Variants in TM9SF2 observed in about 807,000 individuals in gnomAD.
The protein encoded by TM9SF2 is 76 kDa membrane protein.
TM9SF2 carries 13 observed loss-of-function variants against 84.9 expected under a neutral mutation model. The observed-to-expected ratio is 0.15, with a 90% CI of 0.10 to 0.24. The LOEUF (loss-of-function observed/expected upper bound fraction) is 0.24, where lower values mean the gene tolerates loss of function less well. Among genes scored for constraint, TM9SF2 ranks in the 10% least tolerant of loss-of-function variants. TM9SF2 has a pLI of 1.00. For synonymous variants in TM9SF2, 273 were observed against 285.8 expected (o/e 0.96, Z 0.45); for missense variants, 562 against 818.5 (o/e 0.69, Z 3.82).
chr13:99,503,568 G>A lies in TM9SF2; in HGVS notation c.171+1791G>A, dbSNP rs533043856. 7.2e-5 allele frequency among the ~76,000 whole-genome samples: 11 copies of A among 152,190 alleles called. No homozygotes were observed. The East Asian group carries it at 2.1e-3, about 29-fold the overall frequency. On this transcript the variant is annotated intron_variant, in intron 1 of 16. Coordinates refer to ENST00000376387, the MANE Select transcript of TM9SF2 (RefSeq NM_004800.3). ...TACTAAAAATACAAAAATTAGCTGG[G>A]CGTGGTGGCGGGCATCTGTAATCCC... is the stretch of plus-strand genomic sequence containing the variant.
At chr13:99,529,423 T>C in intron 3 of TM9SF2, 44 bp from the exon 4 acceptor site, 6 of 1,463,760 alleles carry the variant, frequency 4.1e-6, no homozygotes, top group Non-Finnish European at 5.4e-6. Flanking sequence ...ATGAAAAACC[T>C]GGATATTTTT....
intron 10 of TM9SF2, among the ~76,000 whole-genome samples, chr13:99,546,414 G>A (rs370087123): frequency 1.3e-5 from 2 of 152,150 alleles, no homozygotes; most frequent in Admixed American, 6.5e-5. Flanking sequence ...AGCTAACCAC[G>A]TGAATAAGGT....
At chr13:99,517,785 A>G in intron 2 of TM9SF2, 104 bp downstream of exon 2, 2 of 667,390 alleles carry the variant, frequency 3.0e-6, no homozygotes, top group Non-Finnish European at 2.3e-6. Context: ...GCCTGAAAAT[A>G]TTTTTTAAGG....
At chr13:99,539,409 CT>C (rs2046248765) in intron 6 of TM9SF2, 36 bp from the exon 7 acceptor site, 2 of 1,319,624 alleles carry the variant, frequency 1.5e-6, no homozygotes, top group East Asian at 4.6e-5. Context: ...AAAAGTTGTA[CT>C]TTATCAGCAT....
At chr13:99,547,402 G>C (rs771147558) in intron 11 of TM9SF2, among the ~76,000 whole-genome samples, 1 of 152,086 alleles carries the variant, frequency 6.6e-6, no homozygotes, top group African/African-American at 2.4e-5. Context: ...TAGATTTGCT[G>C]TGTTCATAGA....
chr13:99,549,070 G>T (rs146006754), intron 11 of TM9SF2, 95 bp from the exon 12 acceptor site: 3 of 1,001,094 alleles, frequency 3.0e-6, no homozygotes, highest in Non-Finnish European at 4.6e-6. Flanking sequence ...ACTCATTGCT[G>T]TCTGACAGTT....
chr13:99,507,763 C>T (rs1013389730), intron 1 of TM9SF2, among the ~76,000 whole-genome samples: 6 of 152,202 alleles, frequency 3.9e-5, no homozygotes, highest in African/African-American at 1.4e-4. Context: ...GCCTCCATAT[C>T]TCAAACCCTT....
chr13:99,554,557 C>G (rs2046318541), intron 14 of TM9SF2, 102 bp downstream of exon 14: 2 of 1,223,324 alleles, frequency 1.6e-6, no homozygotes, highest in African/African-American at 3.1e-5. Context: ...TAAATGTAAG[C>G]AGTTCTTCAG....
At chr13:99,559,830 C>CT (rs11402923) in intron 16 of TM9SF2, among the ~76,000 whole-genome samples, 15,865 of 139,120 alleles carry the variant, frequency 0.11, 1,086 homozygotes, top group East Asian at 0.23. Context: ...ACACACAGTC[C>CT]TTTTTTTTTT....
chr13:99,546,858 G>A, intron 10 of TM9SF2, 127 bp from the exon 11 acceptor site: 1 of 1,286,372 alleles, frequency 7.8e-7, no homozygotes, highest in Non-Finnish European at 1.1e-6. Context: ...TGCATGGTAG[G>A]AGAGCACATG....
chr13:99,532,033 A>G (rs1392807436), intron 4 of TM9SF2, among the ~76,000 whole-genome samples: 1 of 151,648 alleles, frequency 6.6e-6, no homozygotes, highest in Non-Finnish European at 1.5e-5. Context: ...AATGACTGTT[A>G]AGGTCTGTGG....
intron 1 of TM9SF2, among the ~76,000 whole-genome samples, chr13:99,512,002 C>A (rs538115951): frequency 2.6e-5 from 4 of 152,306 alleles, no homozygotes; most frequent in African/African-American, 9.6e-5. Flanking sequence ...TTTCCCTAGA[C>A]TAGTGGCCAG....
At chr13:99,506,494 TTTC>T (rs1189189774) in intron 1 of TM9SF2, among the ~76,000 whole-genome samples, 5 of 152,218 alleles carry the variant, frequency 3.3e-5, no homozygotes, top group South Asian at 2.1e-4. Context: ...CCAGCAATTG[TTTC>T]TTCTTCTTCT....
chr13:99,543,802 C>T (rs955550398), intron 9 of TM9SF2, 61 bp from the exon 10 acceptor site: 1 of 1,550,076 alleles, frequency 6.5e-7, no homozygotes, highest in African/African-American at 1.4e-5. Context: ...AGTGAACAAA[C>T]TGTCTATAGT....
At chr13:99,553,709 C>A (rs536950502) in intron 13 of TM9SF2, among the ~76,000 whole-genome samples, 1 of 152,312 alleles carries the variant, frequency 6.6e-6, no homozygotes, top group Admixed American at 6.5e-5. Context: ...GTCTTCCCCC[C>A]TCATGTGGCT....
chr13:99,557,957 C>T (rs954200839), intron 15 of TM9SF2, among the ~76,000 whole-genome samples: 1 of 152,134 alleles, frequency 6.6e-6, no homozygotes, highest in Admixed American at 6.5e-5. Flanking sequence ...ATAGCTTTAC[C>T]TCATGTATTT....
chr13:99,537,703 G>A, intron 5 of TM9SF2, 36 bp from the exon 6 acceptor site: 1 of 1,559,438 alleles, frequency 6.4e-7, no homozygotes, highest in South Asian at 1.2e-5. Flanking sequence ...TATGTAGTCA[G>A]TTTTCTACCT....
At chr13:99,535,086 A>G (rs1018320535) in intron 4 of TM9SF2, among the ~76,000 whole-genome samples, 2 of 152,226 alleles carry the variant, frequency 1.3e-5, no homozygotes, top group African/African-American at 4.8e-5. Context: ...TGGGAGGTTG[A>G]GGCTGCAGAA....
At chr13:99,554,188 A>G (rs1228985482) in intron 13 of TM9SF2, 116 bp from the exon 14 acceptor site, 1 of 1,243,862 alleles carries the variant, frequency 8.0e-7, no homozygotes, top group African/African-American at 1.5e-5. Context: ...AGTAGACTTT[A>G]TTGCCATTAG....
Sources: gnomAD v4.1 joint callset for allele counts (sites outside exome capture counted in the v4.1 genomes callset) on GRCh38, gnomAD v4.1.1 for gene constraint, MANE v1.5 for transcripts, NCBI Gene and HGNC (gene_info 2026-07-23, HGNC 2026-07-21) for gene names.